The following ANK2 variants were observed in gnomAD, a reference collection of about 807,000 sequenced individuals.
ANK2 encodes ankyrin 2.
In ANK2, 83 loss-of-function variants were observed where a neutral mutation model predicts 360.5. The observed-to-expected ratio is 0.23, with a 90% CI of 0.19 to 0.28. ANK2 has a LOEUF of 0.28. ANK2 is among the 10% of genes least tolerant of loss of function. The probability of loss-of-function intolerance (pLI) is 1.00; values close to 1 mark genes in which losing one functional copy is unlikely to be tolerated. For synonymous variants in ANK2, 1,740 were observed against 1,759.5 expected, an observed-to-expected ratio of 0.99 and a Z score of 0.28; for missense variants, 4,201 against 4,795.7, an observed-to-expected ratio of 0.88 and a Z score of 3.66.
At chr4:112,760,471 GC>G in the ANK2 span, among the ~76,000 whole-genome samples, 1 of 151,502 alleles carries the variant, frequency 6.6e-6, no homozygotes, top group Non-Finnish European at 1.5e-5. Flanking sequence ...ACAGGCGTGA[GC>G]CCCCGTGCCC....
chr4:113,198,964 A>G (rs2098791225), intron 3 of ANK2, 47 bp from the exon 4 acceptor site: 2 of 1,524,332 alleles, frequency 1.3e-6, no homozygotes. Context: ...TGATTTCTGC[A>G]AAATTCAGAA....
chr4:112,917,623 C>T (rs2151115838), intron 2 of ANK2, among the ~76,000 whole-genome samples: 1 of 152,276 alleles, frequency 6.6e-6, no homozygotes, highest in East Asian at 1.9e-4. Context: ...ACATACATAT[C>T]TTGGGGATTT....
At chr4:113,255,262 C>A (rs973473521) in intron 10 of ANK2, among the ~76,000 whole-genome samples, 3 of 152,200 alleles carry the variant, frequency 2.0e-5, no homozygotes, top group Non-Finnish European at 4.4e-5. Flanking sequence ...TTCAGAGGAA[C>A]ATGGATCTAA....
intron 2 of ANK2, among the ~76,000 whole-genome samples, chr4:112,973,980 C>G (rs1029081839): frequency 5.3e-5 from 8 of 152,210 alleles, no homozygotes; most frequent in Admixed American, 3.9e-4. Flanking sequence ...TAAAGCAGTG[C>G]TGTACACTGA....
At chr4:113,010,420 T>C (rs1188738287) in intron 2 of ANK2, among the ~76,000 whole-genome samples, 1 of 152,168 alleles carries the variant, frequency 6.6e-6, no homozygotes, top group Admixed American at 6.5e-5. Flanking sequence ...TTTGTTTACT[T>C]ATTCATCCAT....
At chr4:112,837,344 C>T (rs1245465293) in intron 1 of ANK2, among the ~76,000 whole-genome samples, 1 of 152,210 alleles carries the variant, frequency 6.6e-6, no homozygotes, top group East Asian at 1.9e-4. Flanking sequence ...ATGGAAATGC[C>T]TGGAAGTCCA....
chr4:112,762,493 G>A, the ANK2 span, among the ~76,000 whole-genome samples: 1,142 of 152,232 alleles, frequency 7.5e-3, 17 homozygotes, highest in African/African-American at 0.026. Flanking sequence ...AAAGGCATGT[G>A]AATGCTTTTC....
At chr4:112,760,316 A>G in the ANK2 span, among the ~76,000 whole-genome samples, 1 of 151,586 alleles carries the variant, frequency 6.6e-6, no homozygotes, top group Non-Finnish European at 1.5e-5. Context: ...CCTCCAGAGT[A>G]GCTGGGACTA....
chr4:112,797,437 C>G, the ANK2 span: 1 of 156,680 alleles, frequency 6.4e-6, no homozygotes, highest in African/African-American at 2.4e-5. Flanking sequence ...TGTTCCAACT[C>G]CCGTAAGACT....
At chr4:113,337,748 GA>G (rs2093733899) in intron 31 of ANK2, among the ~76,000 whole-genome samples, 1 of 152,074 alleles carries the variant, frequency 6.6e-6, no homozygotes, top group Admixed American at 6.5e-5. Context: ...TGAGTGGGGG[GA>G]AATCATATGC....
At chr4:113,175,278 C>A (rs766374132) in intron 2 of ANK2, among the ~76,000 whole-genome samples, 17 of 152,076 alleles carry the variant, frequency 1.1e-4, no homozygotes, top group Non-Finnish European at 2.1e-4. Context: ...ATATAAATTC[C>A]TTTTTCTATA....
intron 5 of ANK2, among the ~76,000 whole-genome samples, chr4:113,234,127 T>C (rs983309353): frequency 1.3e-5 from 2 of 152,250 alleles, no homozygotes; most frequent in African/African-American, 4.8e-5. Context: ...GTTTCTAGTG[T>C]AGGATTTAGG....
intron 1 of ANK2, among the ~76,000 whole-genome samples, chr4:112,888,054 C>T (rs941771535): frequency 2.6e-5 from 4 of 151,980 alleles, no homozygotes; most frequent in African/African-American, 9.7e-5. Flanking sequence ...ACTATAAGGC[C>T]TATTAATTAT....
At chr4:113,015,979 A>G (rs1289364423) in intron 2 of ANK2, among the ~76,000 whole-genome samples, 1 of 152,148 alleles carries the variant, frequency 6.6e-6, no homozygotes, top group Non-Finnish European at 1.5e-5. Flanking sequence ...ATGTAAAACC[A>G]TTTGAGAGAC....
At chr4:113,342,957 G>A in intron 33 of ANK2, 60 bp from the exon 34 acceptor site, 2 of 1,604,744 alleles carry the variant, frequency 1.2e-6, no homozygotes, top group Non-Finnish European at 1.7e-6. Flanking sequence ...CCACTTCTTT[G>A]TGTAAACAAC....
In ANK2 at chr4:112,827,642, C is replaced by T. The variant is rs559227650; in HGVS notation, c.-40+9378C>T. The stretch of plus-strand genomic sequence containing the variant: ...TCTCCATCCAGATCCTTGCAATTTA[C>T]TGCCAAGGAAGACACAAAGAGCATT... On this transcript the variant is annotated intron_variant, in intron 1 of 30. Coordinates refer to the ANK2 transcript ENST00000503271. 5.2e-5 allele frequency: 40 copies of T among 775,954 alleles called. No individual in the cohort carries two copies. The East Asian group carries it at 9.1e-4, about 18-fold the overall frequency. The allele number at this position is 775,954 out of a possible 1,614,324, so 48.1% of individuals were successfully genotyped here. A position where few individuals can be genotyped will look rare whatever the true frequency, so the allele number is the denominator to read the frequency against.
chr4:112,831,987 C>T (rs1464898829), intron 1 of ANK2, among the ~76,000 whole-genome samples: 1 of 152,206 alleles, frequency 6.6e-6, no homozygotes, highest in Non-Finnish European at 1.5e-5. Context: ...GACGCACCAT[C>T]TTTAAGAACT....
At chr4:113,049,418 C>G (rs997502520), upstream of ANK2, among the ~76,000 whole-genome samples, 1 of 152,098 alleles carries the variant, frequency 6.6e-6, no homozygotes, top group African/African-American at 2.4e-5. Context: ...CTGATCCTAT[C>G]AAGGGTGTGT....
At chr4:112,822,219 C>T (rs373923376) in intron 1 of ANK2, among the ~76,000 whole-genome samples, 2 of 144,640 alleles carry the variant, frequency 1.4e-5, no homozygotes, top group African/African-American at 2.6e-5. Context: ...TGGCTAACAC[C>T]GTGAAACCCT....
Sources: allele counts gnomAD v4.1 joint callset (sites outside exome capture counted in the v4.1 genomes callset), GRCh38; gene constraint gnomAD v4.1.1; transcripts MANE v1.5; gene names NCBI Gene and HGNC (gene_info 2026-07-23, HGNC 2026-07-21).